Variants in ACOT7 observed in about 807,000 individuals in gnomAD.
The protein encoded by ACOT7 is acyl-CoA thioesterase 7, also known as cytosolic acyl coenzyme A thioester hydrolase.
A neutral mutation model predicts 40.2 loss-of-function variants in ACOT7; 12 were observed. The observed-to-expected ratio is 0.30, with a 90% CI of 0.19 to 0.48. The LOEUF (loss-of-function observed/expected upper bound fraction) is 0.48, where lower values mean the gene tolerates loss of function less well. ACOT7 is among the 20% of genes least tolerant of loss of function. The probability of loss-of-function intolerance (pLI) is 0.99; values close to 1 mark genes in which losing one functional copy is unlikely to be tolerated. For missense variants in ACOT7, 395 were observed against 530.8 expected (o/e 0.74, Z 2.51); for synonymous variants, 228 against 219.5 (o/e 1.04, Z -0.34).
Position 6,358,820 on chromosome 1 carries a change from C to T in ACOT7, c.144-8954G>A, listed in dbSNP as rs768807147. 6.2e-7 allele frequency: 1 copy of T among 1,613,758 alleles called. No individual in the cohort carries two copies. Among genetic ancestry groups the T allele is most frequent in the South Asian group, 1.1e-5 (1 of 91,056 alleles). ...ACGGCCTAGACATGCCCATGACTGG[C>T]AGTACCTGCTCAGCTGGAAAGCCAT... On this transcript the variant is annotated intron_variant, in intron 1 of 8. Coordinates refer to ENST00000361521, the MANE Select transcript of ACOT7 (RefSeq NM_007274.4). This position sits in a 1 kb window ranked among gnomAD's most constrained non-coding sequence, Gnocchi z 4.1.
At chr1:6,315,780 G>T (rs1401435638) in intron 6 of ACOT7, among the ~76,000 whole-genome samples, 1 of 134,130 alleles carries the variant, frequency 7.5e-6, no homozygotes, top group African/African-American at 2.8e-5. Flanking sequence ...AAAAAAAAAA[G>T]AGAGAAGGTT....
chr1:6,277,714 C>T (rs1639237340), intron 8 of ACOT7, among the ~76,000 whole-genome samples: 1 of 152,246 alleles, frequency 6.6e-6, no homozygotes, highest in East Asian at 1.9e-4. Flanking sequence ...TGGGAAGGAA[C>T]ATATTTAAAA....
chr1:6,327,060 C>T (rs1640817690), intron 5 of ACOT7, among the ~76,000 whole-genome samples: 1 of 152,210 alleles, frequency 6.6e-6, no homozygotes, highest in Non-Finnish European at 1.5e-5. Context: ...ACAGTGCCCT[C>T]TGGGACTCCC....
At chr1:6,328,466 GCCTGGCCAACATGGTGAAACC>G (rs953296311) in intron 4 of ACOT7, among the ~76,000 whole-genome samples, 11 of 152,090 alleles carry the variant, frequency 7.2e-5, no homozygotes, top group South Asian at 2.1e-4. Context: ...TTCGAGACTA[GCCTGGCCAACATGGTGAAACC>G]CCTGGCCAAC....
At chr1:6,271,242 A>G (rs1340240306) in intron 8 of ACOT7, among the ~76,000 whole-genome samples, 1 of 152,224 alleles carries the variant, frequency 6.6e-6, no homozygotes, top group Non-Finnish European at 1.5e-5. Flanking sequence ...AGGACGAGTG[A>G]CTAAGTTCCA....
At chr1:6,364,108 T>C (rs1641949925) in intron 1 of ACOT7, among the ~76,000 whole-genome samples, 1 of 152,032 alleles carries the variant, frequency 6.6e-6, no homozygotes, top group Non-Finnish European at 1.5e-5. Context: ...TCCCACCACT[T>C]TGGGAGGCTG....
chr1:6,357,237 C>CA lies in ACOT7; in HGVS notation c.144-7372dup, dbSNP rs534921657. ...GGGCAACAAGAGCGAAACTCCGCCT[C>CA]AAAAAAAAAAAAAGTCAGTGCTAAA... On this transcript the variant is annotated intron_variant, in intron 1 of 8. Transcript: ENST00000361521. 5.6e-3 allele frequency among the ~76,000 whole-genome samples: 779 copies of CA among 138,878 alleles called. 7 individuals are homozygous for CA. Among genetic ancestry groups the CA allele is most frequent in the African/African-American group, 0.014 (537 of 37,894 alleles). The allele number at this position is 138,878 out of a possible 152,430, so 91.1% of individuals were successfully genotyped here.
chr1:6,388,858 G>A (rs1642485342), intron 1 of ACOT7, among the ~76,000 whole-genome samples: 1 of 151,086 alleles, frequency 6.6e-6, no homozygotes, highest in African/African-American at 2.4e-5. Context: ...CTAACACAGT[G>A]AAACCCCATC....
chr1:6,295,509 A>AC (rs1158067234), intron 6 of ACOT7: 9 of 153,482 alleles, frequency 5.9e-5, no homozygotes, highest in African/African-American at 2.2e-4. Context: ...CAGAGCTTTC[A>AC]CAGCAGCATG....
Position 6,307,879 on chromosome 1 carries a change from C to G in ACOT7, c.712+10613G>C, listed in dbSNP as rs1314446630. Among the ~76,000 whole-genome samples, 4 of 149,892 alleles carry G rather than the reference C, an allele frequency of 2.7e-5. No homozygotes were observed. In the East Asian group the frequency reaches 8.2e-4, roughly 31 times the overall value. ...GGAACCACAAACAGGCAGAGGGAAC[C>G]ACAACCAGACAGAGGGAACTACAAC... On this transcript the variant is annotated intron_variant, in intron 6 of 8. Coordinates refer to ENST00000361521, the MANE Select transcript of ACOT7 (RefSeq NM_007274.4).
chr1:6,375,508 G>A (rs2148476339), intron 1 of ACOT7, among the ~76,000 whole-genome samples: 1 of 151,950 alleles, frequency 6.6e-6, no homozygotes, highest in African/African-American at 2.4e-5. Flanking sequence ...AAAATTAGCT[G>A]GGTGTGGTGG....
chr1:6,365,142 T>A (rs1641975602), intron 1 of ACOT7, among the ~76,000 whole-genome samples: 1 of 152,202 alleles, frequency 6.6e-6, no homozygotes, highest in Admixed American at 6.5e-5. Context: ...TCCATGTTTA[T>A]AAACTTGGAG....
chr1:6,296,616 G>A (rs971516431), intron 6 of ACOT7, among the ~76,000 whole-genome samples: 3 of 152,046 alleles, frequency 2.0e-5, no homozygotes, highest in Non-Finnish European at 4.4e-5. Flanking sequence ...GTAGAGACGG[G>A]GTTTCACTAT....
At chr1:6,371,162 CAGGCT>C (rs1642126486) in intron 1 of ACOT7, among the ~76,000 whole-genome samples, 1 of 152,158 alleles carries the variant, frequency 6.6e-6, no homozygotes, top group Admixed American at 6.6e-5. Context: ...GTCTCAACGG[CAGGCT>C]TAAAAATATT....
chr1:6,376,218 T>C (rs2148476877), intron 1 of ACOT7, among the ~76,000 whole-genome samples: 1 of 151,972 alleles, frequency 6.6e-6, no homozygotes, highest in South Asian at 2.1e-4. Context: ...ATGGCGCCAG[T>C]GCACTCCAGC....
At chr1:6,326,042 G>A (rs1640789375) in intron 5 of ACOT7, among the ~76,000 whole-genome samples, 1 of 152,204 alleles carries the variant, frequency 6.6e-6, no homozygotes, top group Non-Finnish European at 1.5e-5. Context: ...ACCATGACCA[G>A]GGTCTCCCAA....
At chr1:6,305,962 G>A (rs879453981) in intron 6 of ACOT7, among the ~76,000 whole-genome samples, 10 of 151,848 alleles carry the variant, frequency 6.6e-5, no homozygotes, top group East Asian at 1.9e-4. Flanking sequence ...CGAGGCTGGC[G>A]GATCACTCGC....
chr1:6,388,584 C>CAAAA (rs1642479862), intron 1 of ACOT7, among the ~76,000 whole-genome samples: 5 of 149,064 alleles, frequency 3.4e-5, no homozygotes, highest in South Asian at 2.2e-4. Context: ...ACTAAAAATA[C>CAAAA]AAAAATTAGC....
Position 6,338,616 on chromosome 1 carries a change from G to A in ACOT7, c.418+817C>T, listed in dbSNP as rs974722370. On this transcript the variant is annotated intron_variant, in intron 3 of 8. Coordinates refer to ENST00000361521, the MANE Select transcript of ACOT7 (RefSeq NM_007274.4). The surrounding 1 kb of genome is among the most constrained non-coding windows in gnomAD (Gnocchi z 4.4). ...TAGATGCATAATCGTGCTTGCTACC[G>A]GCCCGTCATGAGGAAGAGGACTCAA... Among the ~76,000 whole-genome samples, 2 of 152,166 alleles carry A rather than the reference G, an allele frequency of 1.3e-5. No individual in the cohort carries two copies. The highest frequency in any genetic ancestry group is 1.3e-4 in the Admixed American group (2 of 15,274).
Sources: gnomAD v4.1 joint callset for allele counts (sites outside exome capture counted in the v4.1 genomes callset) on GRCh38, gnomAD v4.1.1 for gene constraint, Gnocchi (gnomAD v3.1) non-coding constraint, MANE v1.5 for transcripts, NCBI Gene and HGNC (gene_info 2026-07-23, HGNC 2026-07-21) for gene names.